Variants in NEK10 observed in about 807,000 individuals in gnomAD.
NEK10 encodes serine/threonine-protein kinase Nek10.
Under a neutral mutation model 159.8 loss-of-function variants are expected in NEK10, and 122 were observed. The observed-to-expected ratio is 0.76, with a 90% CI of 0.66 to 0.89. The LOEUF is 0.89. NEK10 is among the 40% of genes least tolerant of loss of function. The probability of loss-of-function intolerance (pLI) is 0.00; values close to 1 mark genes in which losing one functional copy is unlikely to be tolerated. For missense variants in NEK10, 1,342 were observed against 1,323.1 expected, an observed-to-expected ratio of 1.01 and a Z score of -0.22; for synonymous variants, 466 against 457.1, an observed-to-expected ratio of 1.02 and a Z score of -0.25.
chr3:27,353,140 T>C (rs2048090153), intron 1 of NEK10, among the ~76,000 whole-genome samples: 1 of 152,180 alleles, frequency 6.6e-6, no homozygotes, highest in Non-Finnish European at 1.5e-5. Context: ...ACTCAAAAGA[T>C]AAGTATGGGT....
intron 30 of NEK10, among the ~76,000 whole-genome samples, chr3:27,156,062 T>C (rs1183786157): frequency 6.6e-6 from 1 of 151,912 alleles, no homozygotes; most frequent in Non-Finnish European, 1.5e-5. Context: ...CAACAAATGG[T>C]GCTGGGATAA....
chr3:27,363,583 T>C (rs1345653769), intron 1 of NEK10: 2 of 152,140 alleles, frequency 1.3e-5, no homozygotes, highest in African/African-American at 4.8e-5. Flanking sequence ...CTGACCAGTA[T>C]CCAGTGATTG....
chr3:27,257,798 T>A (rs1032588480), intron 22 of NEK10, among the ~76,000 whole-genome samples: 1 of 105,438 alleles, frequency 9.5e-6, no homozygotes, highest in East Asian at 2.2e-4. Context: ...CTTTTTTTTT[T>A]TTTTTTTTGA....
intron 13 of NEK10, among the ~76,000 whole-genome samples, chr3:27,297,472 C>A (rs146458143): frequency 3.1e-4 from 47 of 152,318 alleles, no homozygotes; most frequent in Non-Finnish European, 6.0e-4. Context: ...TATTCCACTG[C>A]AACCATTTAT....
chr3:27,340,518 GTAAAA>G (rs923045648), intron 5 of NEK10, among the ~76,000 whole-genome samples: 2 of 152,040 alleles, frequency 1.3e-5, no homozygotes, highest in African/African-American at 4.8e-5. Context: ...AGAACTTACA[GTAAAA>G]TAAAATAAAA....
At chr3:27,339,495 T>C (rs1455306651) in intron 5 of NEK10, among the ~76,000 whole-genome samples, 1 of 152,026 alleles carries the variant, frequency 6.6e-6, no homozygotes, top group Non-Finnish European at 1.5e-5. Flanking sequence ...CAAACCACAA[T>C]GAGGGCTGGG....
chr3:27,282,566 CTG>C (rs2042261067), intron 22 of NEK10, among the ~76,000 whole-genome samples: 1 of 111,462 alleles, frequency 9.0e-6, no homozygotes, highest in African/African-American at 5.3e-5. Context: ...ATATACATAA[CTG>C]TGTTATATAT....
chr3:27,171,053 A>G (rs977379837), intron 29 of NEK10, among the ~76,000 whole-genome samples: 1 of 152,016 alleles, frequency 6.6e-6, no homozygotes, highest in East Asian at 1.9e-4. Flanking sequence ...TCATTTCTCA[A>G]CTTCTTAAAT....
At chr3:27,297,821 G>A (rs1216880250) in intron 13 of NEK10, among the ~76,000 whole-genome samples, 1 of 152,180 alleles carries the variant, frequency 6.6e-6, no homozygotes, top group Admixed American at 6.5e-5. Context: ...GACAGCCACT[G>A]TGGCAGCCTT....
At chr3:27,143,001 G>A (rs1003147101) in intron 30 of NEK10, among the ~76,000 whole-genome samples, 1 of 152,214 alleles carries the variant, frequency 6.6e-6, no homozygotes, top group African/African-American at 2.4e-5. Context: ...TTAATATGAG[G>A]TTTAATAAAT....
At chr3:27,223,568 T>C (rs548498718) in intron 23 of NEK10, among the ~76,000 whole-genome samples, 6 of 152,374 alleles carry the variant, frequency 3.9e-5, no homozygotes, top group African/African-American at 1.4e-4. Context: ...TTGGGAACTT[T>C]CTCACATCGT....
At chr3:27,282,559 T>TATACATAACTGTGTTTTATATATATATAC (rs1244802639) in intron 22 of NEK10, among the ~76,000 whole-genome samples, 1 of 86,902 alleles carries the variant, frequency 1.2e-5, no homozygotes, top group Non-Finnish European at 2.3e-5. Context: ...TATATATATA[T>TATACATAACTGTGTTTTATATATATATAC]ACATAACTGT....
intron 26 of NEK10, among the ~76,000 whole-genome samples, chr3:27,180,151 T>C (rs1247752166): frequency 6.6e-6 from 1 of 151,922 alleles, no homozygotes; most frequent in African/African-American, 2.4e-5. Context: ...TCCCAGCACT[T>C]TGGGAGGCCA....
intron 23 of NEK10, among the ~76,000 whole-genome samples, chr3:27,231,327 C>T (rs1953242117): frequency 6.6e-6 from 1 of 151,774 alleles, no homozygotes; most frequent in South Asian, 2.1e-4. Context: ...CTTATCAAAA[C>T]CTCTGGAATA....
intron 30 of NEK10, among the ~76,000 whole-genome samples, chr3:27,144,465 A>G (rs962938048): frequency 2.6e-5 from 4 of 152,228 alleles, no homozygotes; most frequent in African/African-American, 9.6e-5. Context: ...GGACCCAAGG[A>G]TACATTGTAA....
intron 25 of NEK10, among the ~76,000 whole-genome samples, chr3:27,197,114 T>TACTA (rs1478240023): frequency 6.6e-6 from 1 of 152,160 alleles, no homozygotes; most frequent in African/African-American, 2.4e-5. Context: ...ATTCTCATTC[T>TACTA]ACTAGATCAG....
chr3:27,177,357 C>G (rs930762197), intron 26 of NEK10, among the ~76,000 whole-genome samples: 1 of 152,084 alleles, frequency 6.6e-6, no homozygotes, highest in South Asian at 2.1e-4. Context: ...TCCTGGCTAA[C>G]ACAGTGAAAC....
At chr3:27,303,312 G>A (rs1164998632) in intron 12 of NEK10, among the ~76,000 whole-genome samples, 1 of 152,044 alleles carries the variant, frequency 6.6e-6, no homozygotes, top group African/African-American at 2.4e-5. Flanking sequence ...AAAAAGGCAG[G>A]TTTTGTCTTT....
intron 28 of NEK10, 124 bp from the exon 29 acceptor site, chr3:27,171,997 A>T (rs1947033178): frequency 9.5e-7 from 1 of 1,052,222 alleles, no homozygotes; most frequent in African/African-American, 1.6e-5. Context: ...GGGAACTCAT[A>T]CACTGTTGGT....
Sources: allele counts gnomAD v4.1 joint callset (sites outside exome capture counted in the v4.1 genomes callset), GRCh38; gene constraint gnomAD v4.1.1; transcripts MANE v1.5; gene names NCBI Gene and HGNC (gene_info 2026-07-23, HGNC 2026-07-21).